The following PDE8B variants were observed in gnomAD, a reference collection of about 807,000 sequenced individuals.
The protein encoded by PDE8B is phosphodiesterase 8B.
A neutral mutation model predicts 101.3 loss-of-function variants in PDE8B; 26 were observed. The observed-to-expected ratio is 0.26, with a 90% CI of 0.19 to 0.36. The LOEUF (loss-of-function observed/expected upper bound fraction) is 0.36, where lower values mean the gene tolerates loss of function less well. Ranked by LOEUF, PDE8B falls within the 10% of genes least tolerant of loss-of-function variation. The pLI is 1.00. For missense variants in PDE8B, 810 were observed against 1,163.1 expected (o/e 0.70, Z 4.42); for synonymous variants, 424 against 429.3 (o/e 0.99, Z 0.15).
chr5:77,419,624 G>C, intron 18 of PDE8B, 143 bp from the exon 19 acceptor site: 12 of 909,186 alleles, frequency 1.3e-5, no homozygotes, highest in Non-Finnish European at 1.8e-5. Context: ...GGGAGGACGA[G>C]CTCTTCTTGT....
At chr5:77,392,551 G>A (rs1390991669) in intron 10 of PDE8B, among the ~76,000 whole-genome samples, 1 of 152,188 alleles carries the variant, frequency 6.6e-6, no homozygotes, top group African/African-American at 2.4e-5. Context: ...CAGTAGGTAT[G>A]TGCTTTTACC....
At chr5:77,419,314 A>C (rs2151166334) in intron 18 of PDE8B, among the ~76,000 whole-genome samples, 4 of 152,298 alleles carry the variant, frequency 2.6e-5, no homozygotes, top group Admixed American at 2.6e-4. Flanking sequence ...AGAATTACTT[A>C]TTAACAGGAA....
chr5:77,162,380 C>T, the PDE8B span, among the ~76,000 whole-genome samples: 7 of 152,182 alleles, frequency 4.6e-5, no homozygotes, highest in South Asian at 8.3e-4. Context: ...CAATCCCAAT[C>T]GAAACCTCTA....
chr5:77,213,488 C>T (rs955382248), intron 1 of PDE8B, among the ~76,000 whole-genome samples: 16 of 152,298 alleles, frequency 1.1e-4, no homozygotes, highest in African/African-American at 3.9e-4. Flanking sequence ...TTTTCTCAAT[C>T]GTAAAGTTCA....
At chr5:77,230,893 C>T (rs538597895) in intron 1 of PDE8B, among the ~76,000 whole-genome samples, 57 of 152,302 alleles carry the variant, frequency 3.7e-4, no homozygotes, top group Admixed American at 8.5e-4. Context: ...CAGGCAGCAC[C>T]ATTTTTTGCC....
chr5:77,418,175 G>T (rs1423503796), intron 17 of PDE8B, 54 bp from the exon 18 acceptor site: 1 of 1,127,266 alleles, frequency 8.9e-7, no homozygotes, highest in Non-Finnish European at 1.4e-6. Flanking sequence ...AAGGATGGAT[G>T]TGGGTCTCCA....
intron 1 of PDE8B, among the ~76,000 whole-genome samples, chr5:77,248,631 G>A (rs1478795692): frequency 6.6e-6 from 1 of 152,176 alleles, no homozygotes; most frequent in African/African-American, 2.4e-5. Flanking sequence ...AGATGCACTT[G>A]CAGAATCCGG....
At chr5:77,226,305 T>C (rs572275681) in intron 1 of PDE8B, among the ~76,000 whole-genome samples, 82 of 152,374 alleles carry the variant, frequency 5.4e-4, no homozygotes, top group African/African-American at 1.9e-3. Context: ...TACCATTGTT[T>C]AAAATACACA....
the PDE8B span, among the ~76,000 whole-genome samples, chr5:77,131,687 G>T: frequency 6.6e-6 from 1 of 152,158 alleles, no homozygotes; most frequent in Non-Finnish European, 1.5e-5. Flanking sequence ...TATGAATTGG[G>T]TACAAAATTG....
At chr5:77,249,843 A>G (rs1757706866) in intron 1 of PDE8B, among the ~76,000 whole-genome samples, 1 of 152,230 alleles carries the variant, frequency 6.6e-6, no homozygotes, top group Non-Finnish European at 1.5e-5. Flanking sequence ...AATGAAAAAA[A>G]CCATTTGGCT....
chr5:77,211,009 G>A lies in PDE8B; in HGVS notation c.84G>A (p.Gln28=), dbSNP rs758801937. Residue 28 remains glutamine (Q), a synonymous_variant, in exon 1 of 22, where the codon CAG becomes CAA. Transcript: ENST00000264917. The surrounding 1 kb of genome is among the most constrained non-coding windows in gnomAD (Gnocchi z 4.1). The part of the protein sequence containing the change: ...RDSDESSSPR[Q]TTSVSQGPAA... ...CGGACGAGTCCAGCTCGCCCCGCCA[G>A]ACCACCAGCGTGTCGCAGGGCCCGG... The A allele has an allele frequency of 2.6e-6, 4 of 1,549,320 alleles. No individual in the cohort carries two copies. The Admixed American group carries it at 7.3e-5, about 28-fold the overall frequency.
At chr5:77,336,151 A>G (rs1372248416) in intron 5 of PDE8B, among the ~76,000 whole-genome samples, 1 of 152,234 alleles carries the variant, frequency 6.6e-6, no homozygotes, top group South Asian at 2.1e-4. Context: ...TTGCTTATCT[A>G]TCTGTTCATT....
At chr5:77,277,267 T>A (rs1028620767) in intron 1 of PDE8B, among the ~76,000 whole-genome samples, 2 of 152,230 alleles carry the variant, frequency 1.3e-5, no homozygotes, top group African/African-American at 4.8e-5. Context: ...GAGATTTATA[T>A]TAATGTAATA....
chr5:77,090,095 T>A, the PDE8B span, among the ~76,000 whole-genome samples: 1 of 152,114 alleles, frequency 6.6e-6, no homozygotes, highest in Non-Finnish European at 1.5e-5. Context: ...GAAGTTGATC[T>A]CATGGAGGTA....
At chr5:77,264,555 T>C (rs998265662) in intron 1 of PDE8B, among the ~76,000 whole-genome samples, 5 of 152,132 alleles carry the variant, frequency 3.3e-5, no homozygotes, top group African/African-American at 1.2e-4. Context: ...TTGATTCTTC[T>C]AGAACTTTTG....
chr5:77,291,296 A>G, intron 1 of PDE8B: 1 of 1,612,980 alleles, frequency 6.2e-7, no homozygotes, highest in Non-Finnish European at 8.5e-7. Flanking sequence ...TCTATGGGCC[A>G]CTCCACACCA....
At chr5:77,189,550 A>G in the PDE8B span, among the ~76,000 whole-genome samples, 28 of 152,166 alleles carry the variant, frequency 1.8e-4, no homozygotes, top group African/African-American at 6.5e-4. Flanking sequence ...GGGGAGTGAT[A>G]TTTGTGAAAT....
chr5:77,426,741 A>C lies in PDE8B; in HGVS notation c.*187A>C. ...AGAAAGTTATGTTCCATGAAGAAAA[A>C]TATATGTTCTTTTGAATACTTAATG... On this transcript the variant is annotated 3_prime_UTR_variant, in exon 22 of 22. Transcript: ENST00000264917. The C allele has an allele frequency of 1.6e-6, 1 of 617,196 alleles. No individual in the cohort carries two copies. The highest frequency in any genetic ancestry group is 2.9e-6 in the Non-Finnish European group (1 of 342,548). 38.2% of individuals were successfully genotyped at this position (617,196 alleles called of 1,614,324 possible). A position where few individuals can be genotyped will look rare whatever the true frequency, so the allele number is the denominator to read the frequency against.
chr5:77,170,845 CTT>C, the PDE8B span, among the ~76,000 whole-genome samples: 2 of 152,146 alleles, frequency 1.3e-5, no homozygotes, highest in South Asian at 2.1e-4. Context: ...AAAAAAATAA[CTT>C]TGGTTGCTAA....
Sources: gnomAD v4.1 joint callset for allele counts (sites outside exome capture counted in the v4.1 genomes callset) on GRCh38, gnomAD v4.1.1 for gene constraint, Gnocchi (gnomAD v3.1) non-coding constraint, MANE v1.5 for transcripts, NCBI Gene and HGNC (gene_info 2026-07-23, HGNC 2026-07-21) for gene names.